TET3: variants seen among roughly 807,000 people sequenced by gnomAD.
TET3 encodes tet methylcytosine dioxygenase 3.
Under a neutral mutation model 141.4 loss-of-function variants are expected in TET3, and 19 were observed. The observed-to-expected ratio is 0.13, with a 90% CI of 0.09 to 0.20. TET3 has a LOEUF of 0.20. Among genes scored for constraint, TET3 ranks in the 10% least tolerant of loss-of-function variants. The pLI is 1.00. For synonymous variants in TET3, 1,043 were observed against 980.9 expected (o/e 1.06, Z -1.18); for missense variants, 1,874 against 2,356.9 (o/e 0.80, Z 4.24).
At position 74,046,964 on chromosome 2, in the gene TET3, A is replaced by G. The variant is rs1293007727; in HGVS notation, c.1047A>G (p.Glu349=). Residue 349 remains glutamate (E), a synonymous_variant, in exon 4 of 12, where the codon GAA becomes GAG. Transcript: ENST00000409262. The surrounding 1 kb of genome is among the most constrained non-coding windows in gnomAD (Gnocchi z 4.3). ...AGAGTGCCCTGAGCATTGCCAAGGA[A>G]AAAAACATCAGCTTGCAGACCGCCA... The part of the protein sequence containing the change: ...LSQSALSIAK[E]KNISLQTAIA... The G allele has an allele frequency of 6.2e-7, 1 of 1,613,934 alleles. No homozygotes were observed. Among genetic ancestry groups the G allele is most frequent in the Non-Finnish European group, 8.5e-7 (1 of 1,179,858 alleles).
At chr2:74,025,223 CAAAAA>C (rs1195395463) in intron 3 of TET3, among the ~76,000 whole-genome samples, 1 of 64,782 alleles carries the variant, frequency 1.5e-5, no homozygotes, top group Non-Finnish European at 3.2e-5. Flanking sequence ...GACTCCGCCT[CAAAAA>C]AAAAAAAAAA....
chr2:73,996,002 G>A (rs1429896516), intron 2 of TET3, among the ~76,000 whole-genome samples: 1 of 152,176 alleles, frequency 6.6e-6, no homozygotes. Context: ...GAGGCTCTCT[G>A]TGGGTCCCTA....
At chr2:74,035,053 T>A (rs1477250359) in intron 3 of TET3, among the ~76,000 whole-genome samples, 296 of 127,294 alleles carry the variant, frequency 2.3e-3, no homozygotes, top group African/African-American at 8.8e-3. Context: ...AAAAAAAAAA[T>A]CAGCCAGGTA....
intron 10 of TET3, among the ~76,000 whole-genome samples, chr2:74,096,325 G>A (rs1286820642): frequency 6.6e-6 from 1 of 152,212 alleles, no homozygotes. Context: ...GGTAGGGCAT[G>A]ACACCAAACT....
At chr2:74,076,152 C>G (rs1475779317) in intron 5 of TET3, among the ~76,000 whole-genome samples, 1 of 151,828 alleles carries the variant, frequency 6.6e-6, no homozygotes, top group Non-Finnish European at 1.5e-5. Flanking sequence ...ATAAGGTTGA[C>G]ATATGTCTTT....
chr2:73,994,056 G>T (rs1208785799), intron 2 of TET3, among the ~76,000 whole-genome samples: 2 of 152,170 alleles, frequency 1.3e-5, no homozygotes, highest in African/African-American at 4.8e-5. Context: ...GGCTAAGGAG[G>T]TTGGGGCAGT....
chr2:74,105,342 G>C lies in TET3; in HGVS notation c.*3166G>C, dbSNP rs567789940. 5.0e-5 allele frequency: 20 copies of C among 398,454 alleles called. No homozygotes were observed. The highest frequency in any genetic ancestry group is 1.3e-4 in the Admixed American group (3 of 22,710). The allele number at this position is 398,454 out of a possible 1,614,324, so 24.7% of individuals were successfully genotyped here. A position where few individuals can be genotyped will look rare whatever the true frequency, so the allele number is the denominator to read the frequency against. On this transcript the variant is annotated 3_prime_UTR_variant, in exon 12 of 12. Transcript: ENST00000409262. The stretch of plus-strand genomic sequence containing the variant: ...CTGTTTTGTTTTCCCTGCCTGTTGC[G>C]TGCAAGGGAAGTGCTTGTAAAGTTC...
At position 74,046,756 on chromosome 2, in the gene TET3, C is replaced by G. The variant is rs1455918470; in HGVS notation, c.839C>G (p.Pro280Arg). The change falls in exon 4 of 12, where the codon CCT (proline) becomes CGT (arginine). Residue 280 changes from proline to arginine, a missense_variant. Physicochemically the swap from Pro to Arg is moderately radical, Grantham distance 103 (BLOSUM62 -2). Around this residue, in one of 10 missense-constraint regions of TET3, gnomAD observed 366 missense variants for 487.0 expected, o/e 0.75. Transcript: ENST00000409262. This position sits in a 1 kb window ranked among gnomAD's most constrained non-coding sequence, Gnocchi z 4.3. ...TGCAACTGCGATGGCCCAGAATGCC[C>G]TGACTACCTCGAGTGGCTGGAGGGG... ...PNCNCDGPEC[P>R]DYLEWLEGKI... 2 of 1,613,870 alleles carry G rather than the reference C, an allele frequency of 1.2e-6. No homozygotes were observed. The highest frequency in any genetic ancestry group is 1.7e-6 in the Non-Finnish European group (2 of 1,179,900).
In TET3 at chr2:74,037,041, C is replaced by T. The variant is rs1179240096; in HGVS notation, c.361-9237C>T. Among the ~76,000 whole-genome samples the T allele has an allele frequency of 2.6e-5, 4 of 152,184 alleles. No homozygotes were observed. The East Asian group carries it at 5.8e-4, about 22-fold the overall frequency. On this transcript the variant is annotated intron_variant, in intron 3 of 11. Coordinates refer to ENST00000409262, the MANE Select transcript of TET3 (RefSeq NM_001287491.2). ...CCCATATAAGAATACCCTCTGCCAA[C>T]GTATAATGCTCTCAAGAAGTTAGAC...
In TET3 at chr2:74,047,814, A is replaced by T; in HGVS notation, c.1897A>T (p.Arg633Trp). 2 of 1,613,400 alleles carry T rather than the reference A, an allele frequency of 1.2e-6. No individual in the cohort carries two copies. The highest frequency in any genetic ancestry group is 1.7e-6 in the Non-Finnish European group (2 of 1,179,652). Residue 633 changes from arginine to tryptophan, a missense_variant, in exon 4 of 12, where the codon AGG becomes TGG. Physicochemically the swap from Arg to Trp is moderately radical, Grantham distance 101. Coordinates refer to ENST00000409262, the MANE Select transcript of TET3 (RefSeq NM_001287491.2). ...PVRQIVLEGL[R>W]SPASQEVQAH... Reference sequence around the variant, plus strand: ...CCGACAGATTGTCCTGGAAGGGCTTAGGTCCCCAGCCTCCCAGGAAGTGCA... The same window carrying T: ...CCGACAGATTGTCCTGGAAGGGCTTTGGTCCCCAGCCTCCCAGGAAGTGCA...
At chr2:74,128,237 G>A in the TET3 span, among the ~76,000 whole-genome samples, 1 of 152,082 alleles carries the variant, frequency 6.6e-6, no homozygotes, top group African/African-American at 2.4e-5. Flanking sequence ...TGTTTGCCAA[G>A]ATGTTTGGAA....
At chr2:74,083,602 C>T (rs1305682646) in intron 6 of TET3, among the ~76,000 whole-genome samples, 1 of 152,186 alleles carries the variant, frequency 6.6e-6, no homozygotes, top group Non-Finnish European at 1.5e-5. Flanking sequence ...GTGTTTGTGC[C>T]TCTGTCAGCC....
In TET3 at chr2:74,046,340, G is replaced by A. The variant is rs1687616367; in HGVS notation, c.423G>A (p.Val141=). 5.2e-6 allele frequency: 8 copies of A among 1,525,178 alleles called. No individual in the cohort carries two copies. Among genetic ancestry groups the A allele is most frequent in the East Asian group, 2.3e-5 (1 of 44,268 alleles). 94.5% of individuals were successfully genotyped at this position (1,525,178 alleles called of 1,614,324 possible). ...CAGGTCAGATGGACTCAGGGCCAGT[G>A]TACCATGGGGACTCACGGCAGCTAA... ...PVPGQMDSGP[V]YHGDSRQLSA... The change falls in exon 4 of 12, where the codon GTG becomes GTA. Residue 141 remains valine, a synonymous_variant. Coordinates refer to ENST00000409262, the MANE Select transcript of TET3 (RefSeq NM_001287491.2). This position sits in a 1 kb window ranked among gnomAD's most constrained non-coding sequence, Gnocchi z 4.3.
In TET3 at chr2:74,105,602, C is replaced by T. The variant is rs1354052719; in HGVS notation, c.*3426C>T. The T allele has an allele frequency of 1.5e-5, 6 of 388,236 alleles. No individual in the cohort carries two copies. Among genetic ancestry groups the T allele is most frequent in the East Asian group, 7.4e-5 (2 of 27,148 alleles). 24.0% of individuals were successfully genotyped at this position (388,236 alleles called of 1,614,324 possible). On this transcript the variant is annotated 3_prime_UTR_variant, in exon 12 of 12. Transcript: ENST00000409262. ...TTCTCACCAAGGTGACGATGGTGTG[C>T]GTGGAAAGAGATGATACCCCACCGC...
In TET3 at chr2:74,101,713, G is replaced by A; in HGVS notation, c.4925G>A (p.Ser1642Asn). Residue 1642 changes from serine (S) to asparagine (N), a missense_variant, in exon 12 of 12, where the codon AGT (serine) becomes AAT (asparagine). By Grantham distance (46) the Ser-to-Asn change is conservative. Coordinates refer to ENST00000409262, the MANE Select transcript of TET3 (RefSeq NM_001287491.2). This position sits in a 1 kb window ranked among gnomAD's most constrained non-coding sequence, Gnocchi z 8.5. ...GAAGAGGAGGAGCTGTGGTCGGACA[G>A]TGAACACAACTTCCTGGACGAGAAC... The part of the protein sequence containing the change: ...EEEEEELWSD[S>N]EHNFLDENIG... 6.2e-7 allele frequency: 1 copy of A among 1,613,610 alleles called. No individual in the cohort carries two copies. Among genetic ancestry groups the A allele is most frequent in the Non-Finnish European group, 8.5e-7 (1 of 1,179,896 alleles).
At chr2:74,006,509 C>T (rs573448491) in intron 3 of TET3, among the ~76,000 whole-genome samples, 2 of 152,232 alleles carry the variant, frequency 1.3e-5, no homozygotes, top group Non-Finnish European at 2.9e-5. Flanking sequence ...GACCTGCCCT[C>T]AGGGACCACC....
At position 74,087,258 on chromosome 2, in the gene TET3, T is replaced by A. The variant is rs560276132; in HGVS notation, c.2680-572T>A. Reference sequence around the variant, plus strand: ...GGGTGCTTCCACCTTTTGGCTGTTGTGAATAGTGCTGCAGTGAACGTGGGT... The same window carrying A: ...GGGTGCTTCCACCTTTTGGCTGTTGAGAATAGTGCTGCAGTGAACGTGGGT... On this transcript the variant is annotated intron_variant, in intron 6 of 11. Transcript: ENST00000409262. This position sits in a 1 kb window ranked among gnomAD's most constrained non-coding sequence, Gnocchi z 4.3. Among the ~76,000 whole-genome samples the A allele has an allele frequency of 6.6e-6, 1 of 152,308 alleles. No homozygotes were observed. The highest frequency in any genetic ancestry group is 2.4e-5 in the African/African-American group (1 of 41,564).
At chr2:74,060,831 AG>A (rs1688470445) in intron 4 of TET3, among the ~76,000 whole-genome samples, 1 of 152,252 alleles carries the variant, frequency 6.6e-6, no homozygotes, top group Non-Finnish European at 1.5e-5. Flanking sequence ...CAGAGAGCAC[AG>A]GGTTGGGGGT....
chr2:74,003,047 G>A (rs377246960), intron 2 of TET3, 63 bp from the exon 3 acceptor site: 2 of 1,536,744 alleles, frequency 1.3e-6, no homozygotes. Flanking sequence ...GGCTGTAGCA[G>A]GAGGACTTTG....
Sources: gnomAD v4.1 joint callset for allele counts (sites outside exome capture counted in the v4.1 genomes callset) on GRCh38, gnomAD v4.1.1 for gene constraint, gnomAD v4.1.1 regional missense constraint, Gnocchi (gnomAD v3.1) non-coding constraint, MANE v1.5 for transcripts, NCBI Gene and HGNC (gene_info 2026-07-23, HGNC 2026-07-21) for gene names.